The following FBXW11 variants were observed in gnomAD, a reference collection of about 807,000 sequenced individuals.
FBXW11 encodes F-box and WD repeat domain containing 11.
In FBXW11, 19 loss-of-function variants were observed where a neutral mutation model predicts 77.6. The ratio of observed to expected loss-of-function variants is 0.24; its 90% CI spans 0.17 to 0.36. FBXW11 has a LOEUF of 0.36. Ranked by LOEUF, FBXW11 falls within the 10% of genes least tolerant of loss-of-function variation. FBXW11 has a pLI of 1.00. For synonymous variants in FBXW11, 235 were observed against 249.4 expected (o/e 0.94, Z 0.54); for missense variants, 334 against 704.2 (o/e 0.47, Z 5.95).
chr5:171,975,907 G>C (rs1244038756), intron 1 of FBXW11, among the ~76,000 whole-genome samples: 1 of 152,156 alleles, frequency 6.6e-6, no homozygotes, highest in Non-Finnish European at 1.5e-5. Flanking sequence ...GGAATTCTGG[G>C]ATCAGAAAGT....
At chr5:171,911,077 G>T (rs1201620645) in intron 3 of FBXW11, among the ~76,000 whole-genome samples, 1 of 152,060 alleles carries the variant, frequency 6.6e-6, no homozygotes, top group Non-Finnish European at 1.5e-5. Context: ...TGCTCCAAAG[G>T]TATATACTGG....
intron 6 of FBXW11, among the ~76,000 whole-genome samples, chr5:171,892,211 A>G (rs986123086): frequency 1.1e-4 from 17 of 152,242 alleles, no homozygotes; most frequent in African/African-American, 3.4e-4. Flanking sequence ...GAGGATAAAA[A>G]GATCAACAGG....
intron 7 of FBXW11, among the ~76,000 whole-genome samples, chr5:171,880,653 G>C (rs899362708): frequency 6.6e-6 from 1 of 152,118 alleles, no homozygotes; most frequent in African/African-American, 2.4e-5. Context: ...TATTTTGTTA[G>C]ATTTATACCT....
chr5:171,978,143 C>T (rs1473081995), intron 1 of FBXW11, among the ~76,000 whole-genome samples: 1 of 142,868 alleles, frequency 7.0e-6, no homozygotes, highest in Non-Finnish European at 1.5e-5. Flanking sequence ...TGTTGTAACC[C>T]TCAAGCAGGT....
intron 1 of FBXW11, among the ~76,000 whole-genome samples, chr5:171,973,472 C>T (rs951782764): frequency 6.6e-6 from 1 of 152,108 alleles, no homozygotes; most frequent in Non-Finnish European, 1.5e-5. Flanking sequence ...AGAGGGCATC[C>T]TACAATGTAC....
In FBXW11 at chr5:171,868,666, G is replaced by A; in HGVS notation, c.1661C>T (p.Pro554Leu). The change falls in exon 13 of 14, where the codon CCC (proline) becomes CTC (leucine). Residue 554 changes from proline (P) to leucine (L), a missense_variant. Physicochemically the swap from Pro to Leu is moderately conservative, Grantham distance 98 (BLOSUM62 -3). This residue lies in a region of FBXW11 where 20 missense variants were observed against 26.8 expected (regional missense o/e 0.75). Coordinates refer to ENST00000517395, the MANE Select transcript of FBXW11 (RefSeq NM_001378974.1). ...PPSAQNETRS[P>L]SRTYTYISR The stretch of plus-strand genomic sequence containing the variant: ...AGAGATGTAAGTGTATGTTCTGGAG[G>A]GAGAACGGGTCTCATTCTGGGCACT... 6.2e-7 allele frequency: 1 copy of A among 1,613,610 alleles called. No individual in the cohort carries two copies. The highest frequency in any genetic ancestry group is 1.1e-5 in the South Asian group (1 of 91,048).
chr5:171,960,024 AT>A (rs140534583), intron 1 of FBXW11, among the ~76,000 whole-genome samples: 7 of 150,680 alleles, frequency 4.6e-5, no homozygotes, highest in Non-Finnish European at 8.9e-5. Context: ...CACATGTTTA[AT>A]AAAAGAATAC....
intron 1 of FBXW11, among the ~76,000 whole-genome samples, chr5:171,961,257 A>G (rs1431348090): frequency 6.6e-6 from 1 of 152,200 alleles, no homozygotes; most frequent in African/African-American, 2.4e-5. Flanking sequence ...AATATCTACT[A>G]ATCAGAAGTC....
chr5:171,903,005 T>C (rs1483258923), intron 4 of FBXW11, among the ~76,000 whole-genome samples: 1 of 152,252 alleles, frequency 6.6e-6, no homozygotes, highest in Non-Finnish European at 1.5e-5. Context: ...CTTTATAATC[T>C]GGCTCCAAAT....
intron 6 of FBXW11, among the ~76,000 whole-genome samples, chr5:171,895,435 C>CA (rs1759678210): frequency 6.6e-6 from 1 of 152,030 alleles, no homozygotes. Context: ...TTGCAAACCA[C>CA]AAAAAAGCTC....
chr5:171,887,666 CT>C (rs543531783), intron 7 of FBXW11, among the ~76,000 whole-genome samples: 75 of 146,188 alleles, frequency 5.1e-4, no homozygotes, highest in East Asian at 5.9e-4. Context: ...TGTTTTCTTT[CT>C]TTTTTTTTTT....
intron 1 of FBXW11, among the ~76,000 whole-genome samples, chr5:171,976,489 A>C (rs756149624): frequency 1.3e-5 from 2 of 152,180 alleles, no homozygotes; most frequent in African/African-American, 2.4e-5. Context: ...TCCAAAAAGC[A>C]TGTGTTGGAA....
intron 6 of FBXW11, among the ~76,000 whole-genome samples, chr5:171,892,399 C>A (rs1759414539): frequency 6.6e-6 from 1 of 152,226 alleles, no homozygotes; most frequent in Non-Finnish European, 1.5e-5. Flanking sequence ...TTGCCTGCAG[C>A]CACAAAATCA....
Position 171,939,850 on chromosome 5 carries a change from C to T in FBXW11, c.147+17747G>A, listed in dbSNP as rs369206739. Among the ~76,000 whole-genome samples, 17 of 152,256 alleles carry T rather than the reference C, an allele frequency of 1.1e-4. No individual in the cohort carries two copies. The East Asian group carries it at 2.5e-3, about 22-fold the overall frequency. On this transcript the variant is annotated intron_variant, in intron 2 of 13. Transcript: ENST00000517395. Reference sequence around the variant, plus strand: ...GCATCAGTTTCAGGATACACACACTCTTCCCGCTATGGATATCAAAATCGA... The same window carrying T: ...GCATCAGTTTCAGGATACACACACTTTTCCCGCTATGGATATCAAAATCGA...
intron 6 of FBXW11, among the ~76,000 whole-genome samples, chr5:171,897,040 G>A (rs1314898230): frequency 6.6e-6 from 1 of 152,048 alleles, no homozygotes; most frequent in Non-Finnish European, 1.5e-5. Context: ...TCGTATTAAG[G>A]GTAGAAGGGT....
chr5:171,929,096 G>C (rs1202463197), intron 2 of FBXW11, among the ~76,000 whole-genome samples: 1 of 146,624 alleles, frequency 6.8e-6, no homozygotes, highest in African/African-American at 2.5e-5. Context: ...AATAGGCTGG[G>C]CAGTGGCTCA....
intron 2 of FBXW11, among the ~76,000 whole-genome samples, chr5:171,927,310 C>A (rs554844257): frequency 5.3e-5 from 8 of 152,260 alleles, no homozygotes; most frequent in Admixed American, 4.6e-4. Context: ...AAATATACCA[C>A]AATATACCTC....
At chr5:171,997,456 C>T (rs72835289) in intron 1 of FBXW11, among the ~76,000 whole-genome samples, 1 of 152,196 alleles carries the variant, frequency 6.6e-6, no homozygotes, top group African/African-American at 2.4e-5. Flanking sequence ...AAGAATGATA[C>T]GAGAGGGCTC....
chr5:171,912,779 G>A (rs1233460127), intron 3 of FBXW11, among the ~76,000 whole-genome samples: 1 of 151,878 alleles, frequency 6.6e-6, no homozygotes, highest in African/African-American at 2.4e-5. Flanking sequence ...GCATAGTGGT[G>A]GGCGCCTGTA....
Sources: gnomAD v4.1 joint callset for allele counts (sites outside exome capture counted in the v4.1 genomes callset) on GRCh38, gnomAD v4.1.1 for gene constraint, gnomAD v4.1.1 regional missense constraint, MANE v1.5 for transcripts, NCBI Gene and HGNC (gene_info 2026-07-23, HGNC 2026-07-21) for gene names.